Variants in STK3 observed in about 807,000 individuals in gnomAD.
STK3 encodes serine/threonine-protein kinase 3.
In STK3, 41 loss-of-function variants were observed where a neutral mutation model predicts 58.0. The observed-to-expected ratio is 0.71, with a 90% CI of 0.55 to 0.92. The LOEUF (loss-of-function observed/expected upper bound fraction) is 0.92. STK3 is among the 40% of genes least tolerant of loss of function. The pLI is 0.00. For missense variants in STK3, 479 were observed against 602.7 expected, an observed-to-expected ratio of 0.79 and a Z score of 2.15; for synonymous variants, 170 against 191.0, an observed-to-expected ratio of 0.89 and a Z score of 0.91.
chr8:98,345,936 G>A, the STK3 span, among the ~76,000 whole-genome samples: 39 of 151,990 alleles, frequency 2.6e-4, no homozygotes, highest in Admixed American at 1.9e-3. Flanking sequence ...CTTGAAGATC[G>A]AGGTATAGAA....
chr8:98,774,633 A>T, intron 2 of STK3, 106 bp downstream of exon 2: 2 of 748,650 alleles, frequency 2.7e-6, no homozygotes, highest in Non-Finnish European at 4.1e-6. Context: ...ACTATTAAAT[A>T]CTATTCAATT....
intron 1 of STK3, among the ~76,000 whole-genome samples, chr8:98,779,992 G>A (rs933727527): frequency 6.6e-6 from 1 of 151,876 alleles, no homozygotes; most frequent in Non-Finnish European, 1.5e-5. Flanking sequence ...AAATGAAACT[G>A]AGAATACAGA....
intron 4 of STK3, among the ~76,000 whole-genome samples, chr8:98,721,421 C>G (rs1827415356): frequency 6.6e-6 from 1 of 151,906 alleles, no homozygotes; most frequent in South Asian, 2.1e-4. Flanking sequence ...TCTCAGCTAC[C>G]CAGCAGACTG....
At chr8:98,692,159 A>ACT (rs1256683448) in intron 6 of STK3, among the ~76,000 whole-genome samples, 11 of 152,102 alleles carry the variant, frequency 7.2e-5, no homozygotes, top group Admixed American at 2.6e-4. Context: ...AGAAACTGGA[A>ACT]CTCTTGTACA....
At chr8:98,654,407 C>T (rs1273620929) in intron 6 of STK3, among the ~76,000 whole-genome samples, 1 of 152,072 alleles carries the variant, frequency 6.6e-6, no homozygotes, top group African/African-American at 2.4e-5. Flanking sequence ...GGAAGCATTC[C>T]CTTTGAAAAC....
At chr8:98,584,919 G>A (rs546611371) in intron 7 of STK3, among the ~76,000 whole-genome samples, 1 of 151,542 alleles carries the variant, frequency 6.6e-6, no homozygotes, top group Non-Finnish European at 1.5e-5. Flanking sequence ...GTCTGTTCAT[G>A]TCCTTCGCCC....
chr8:98,675,788 C>T lies in STK3; in HGVS notation c.684+30679G>A, dbSNP rs375511819. On this transcript the variant is annotated intron_variant, in intron 6 of 10. Transcript: ENST00000419617. The stretch of plus-strand genomic sequence containing the variant: ...CTGAGGCAGGAGAATGGTGTGAACC[C>T]GGGAGGCGGAGCTTGCAGTGAGCCG... Among the ~76,000 whole-genome samples the T allele has an allele frequency of 1.3e-4, 20 of 151,736 alleles. 1 individual carries two copies. In the South Asian group the frequency reaches 4.0e-3, roughly 30 times the overall value.
At chr8:98,882,382 T>C (rs1466290336), downstream of STK3, 10 of 151,846 alleles carry the variant, frequency 6.6e-5, no homozygotes, top group East Asian at 1.5e-3. Flanking sequence ...TACTTAAATA[T>C]ATTGACAGTC....
At chr8:98,897,131 A>G (rs1838481132) in intron 1 of STK3, among the ~76,000 whole-genome samples, 1 of 152,242 alleles carries the variant, frequency 6.6e-6, no homozygotes, top group Non-Finnish European at 1.5e-5. Context: ...CACTCCCAGC[A>G]TCCACATAGC....
chr8:98,705,518 C>G (rs1825905091), intron 6 of STK3, among the ~76,000 whole-genome samples: 1 of 151,920 alleles, frequency 6.6e-6, no homozygotes, highest in South Asian at 2.1e-4. Context: ...GAAATTTAAC[C>G]CACAATGGCA....
At chr8:98,884,273 A>T (rs1049992808) in intron 1 of STK3, among the ~76,000 whole-genome samples, 3 of 152,190 alleles carry the variant, frequency 2.0e-5, no homozygotes, top group African/African-American at 7.2e-5. Context: ...TCACGATGAT[A>T]TTCTAAGATG....
intron 4 of STK3, among the ~76,000 whole-genome samples, chr8:98,708,690 G>A (rs1484936779): frequency 6.6e-6 from 1 of 152,164 alleles, no homozygotes; most frequent in Admixed American, 6.5e-5. Context: ...ACCTTGTAAG[G>A]TAGTGTGATA....
chr8:98,836,691 T>C (rs1835760285), intron 3 of STK3, among the ~76,000 whole-genome samples: 1 of 152,096 alleles, frequency 6.6e-6, no homozygotes, highest in Non-Finnish European at 1.5e-5. Flanking sequence ...AGACAGAGAG[T>C]AATAGCAAAG....
chr8:98,871,787 A>G (rs1837389971), intron 3 of STK3, among the ~76,000 whole-genome samples: 1 of 152,212 alleles, frequency 6.6e-6, no homozygotes, highest in Non-Finnish European at 1.5e-5. Context: ...GTCATCTGCA[A>G]ACAGGGACAA....
chr8:98,788,165 G>A (rs1333813665), intron 1 of STK3, among the ~76,000 whole-genome samples: 1 of 152,112 alleles, frequency 6.6e-6, no homozygotes, highest in African/African-American at 2.4e-5. Flanking sequence ...GAACTGGCCG[G>A]GCATGGTGGC....
intron 6 of STK3, among the ~76,000 whole-genome samples, chr8:98,599,436 GTATCATTTTGT>G (rs932568091): frequency 6.6e-6 from 1 of 151,878 alleles, no homozygotes; most frequent in African/African-American, 2.4e-5. Flanking sequence ...TGTGGCTTTA[GTATCATTTTGT>G]TTTTTTTTTC....
At chr8:98,514,595 T>C (rs1824785362) in intron 10 of STK3, among the ~76,000 whole-genome samples, 1 of 150,898 alleles carries the variant, frequency 6.6e-6, no homozygotes. Flanking sequence ...AGGTGACAGC[T>C]GTAATCGGCC....
intron 1 of STK3, among the ~76,000 whole-genome samples, chr8:98,447,955 T>TATA (rs143901845): frequency 0.37 from 52,355 of 141,674 alleles, 10,005 homozygotes; most frequent in South Asian, 0.46. Context: ...AAACTTAAAG[T>TATA]ATAATAATAA....
intron 10 of STK3, among the ~76,000 whole-genome samples, chr8:98,483,049 G>C (rs1821975510): frequency 6.6e-6 from 1 of 152,148 alleles, no homozygotes; most frequent in Non-Finnish European, 1.5e-5. Context: ...AGATAAGGGA[G>C]AAGCTCTCTA....
Sources: gnomAD v4.1 joint callset for allele counts (sites outside exome capture counted in the v4.1 genomes callset) on GRCh38, gnomAD v4.1.1 for gene constraint, MANE v1.5 for transcripts, NCBI Gene and HGNC (gene_info 2026-07-23, HGNC 2026-07-21) for gene names.